ARID4B: variants seen among roughly 807,000 people sequenced by gnomAD.
ARID4B encodes AT-rich interaction domain 4B, also known as AT-rich interactive domain-containing protein 4B.
ARID4B carries 26 observed loss-of-function variants against 147.5 expected under a neutral mutation model. The observed-to-expected ratio is 0.18, with a 90% confidence interval of 0.13 to 0.24. The LOEUF (loss-of-function observed/expected upper bound fraction) is 0.24, where lower values mean the gene tolerates loss of function less well. Ranked by LOEUF, ARID4B falls within the 10% of genes least tolerant of loss-of-function variation. The pLI, the probability that ARID4B is intolerant of heterozygous loss-of-function variation, is 1.00. For missense variants in ARID4B, 1,179 were observed against 1,511.5 expected, an observed-to-expected ratio of 0.78 and a Z score of 3.65; for synonymous variants, 512 against 507.9, an observed-to-expected ratio of 1.01 and a Z score of -0.11.
Position 235,187,044 on chromosome 1 carries a change from A to G in ARID4B, c.2126-4251T>C, listed in dbSNP as rs760641581. 4 of 344,286 alleles carry G rather than the reference A, an allele frequency of 1.2e-5. No homozygotes were observed. The East Asian group carries it at 4.0e-4, about 34-fold the overall frequency. The allele number at this position is 344,286 out of a possible 1,614,324, so 21.3% of individuals were successfully genotyped here. ...TTCTTGTTCTTTTCTTTTTCACTGC[A>G]TCTTATTCTTTTCTTTTTCACTGCA... On this transcript the variant is annotated intron_variant, in intron 19 of 23. Transcript: ENST00000264183.
At position 235,181,670 on chromosome 1, in the gene ARID4B, A is replaced by G. The variant is rs761733049; in HGVS notation, c.3249T>C (p.Ser1083=). ...SVAGELQDLQ[S]EGNSSPAGFD... ...AACCTGCTGGCGAGCTATTCCCTTCAGACTGGAGGTCTTGGAGCTCCCCAG... is the reference window on the plus strand; with the variant it reads ...AACCTGCTGGCGAGCTATTCCCTTCGGACTGGAGGTCTTGGAGCTCCCCAG... Residue 1083 remains serine, a synonymous_variant, in exon 20 of 24, where the codon TCT becomes TCC. Transcript: ENST00000264183. 2.0e-5 allele frequency: 33 copies of G among 1,614,070 alleles called. 1 individual carries two copies. The South Asian group carries it at 3.5e-4, about 17-fold the overall frequency.
At chr1:235,284,582 G>C (rs1671857010) in intron 2 of ARID4B, among the ~76,000 whole-genome samples, 1 of 152,156 alleles carries the variant, frequency 6.6e-6, no homozygotes, top group Non-Finnish European at 1.5e-5. Flanking sequence ...CAGCTACTTG[G>C]AAAGCTAACG....
intron 8 of ARID4B, among the ~76,000 whole-genome samples, chr1:235,235,732 A>G (rs929123883): frequency 7.2e-5 from 11 of 152,148 alleles, no homozygotes; most frequent in Non-Finnish European, 1.6e-4. Context: ...AAAAACTGAA[A>G]AGGAGAACTG....
chr1:235,182,639 T>C lies in ARID4B; in HGVS notation c.2280A>G (p.Leu760=). 1 of 1,613,830 alleles carries C rather than the reference T, an allele frequency of 6.2e-7. No homozygotes were observed. The highest frequency in any genetic ancestry group is 8.5e-7 in the Non-Finnish European group (1 of 1,180,002). ...SKEEQNSSSL[L]EENKVHADLV... ...AATCTGCATGAACTTTGTTTTCTTC[T>C]AGCAAAGATGAACTGTTCTGTTCCT... Residue 760 remains leucine (L), a synonymous_variant, in exon 20 of 24, where the codon CTA becomes CTG. Transcript: ENST00000264183.
chr1:235,190,089 T>C (rs535678819), intron 19 of ARID4B: 1 of 154,484 alleles, frequency 6.5e-6, no homozygotes, highest in African/African-American at 2.4e-5. Context: ...GATATATCTG[T>C]TCTCTTCCTT....
At chr1:235,196,186 A>C (rs1665478872) in intron 17 of ARID4B, 71 bp from the exon 18 acceptor site, 1 of 713,720 alleles carries the variant, frequency 1.4e-6, no homozygotes, top group Non-Finnish European at 2.2e-6. Context: ...CATATTAAAG[A>C]GAAACTCATA....
At chr1:235,300,187 G>A (rs1001079891) in intron 2 of ARID4B, among the ~76,000 whole-genome samples, 6 of 151,906 alleles carry the variant, frequency 3.9e-5, no homozygotes, top group Non-Finnish European at 7.4e-5. Flanking sequence ...AGGCTGAGGC[G>A]GGCAAACCGC....
At chr1:235,285,367 C>T (rs1445909752) in intron 2 of ARID4B, among the ~76,000 whole-genome samples, 14 of 152,144 alleles carry the variant, frequency 9.2e-5, no homozygotes, top group Admixed American at 9.2e-4. Context: ...AAACAGATTA[C>T]CTCAATATAT....
intron 3 of ARID4B, among the ~76,000 whole-genome samples, chr1:235,259,619 A>G (rs999965254): frequency 6.6e-6 from 1 of 152,168 alleles, no homozygotes; most frequent in African/African-American, 2.4e-5. Flanking sequence ...AGCACCAACC[A>G]CCAAGCATGT....
At position 235,255,220 on chromosome 1, in the gene ARID4B, T is replaced by TATATATATATATATAGAGAGAG. The variant is rs1264196304; in HGVS notation, c.274+439_274+440insCTCTCTCTATATATATATATAT. 6.7e-3 allele frequency among the ~76,000 whole-genome samples: 417 copies of TATATATATATATATAGAGAGAG among 62,376 alleles called. 8 individuals carry two copies. Among genetic ancestry groups the TATATATATATATATAGAGAGAG allele is most frequent in the African/African-American group, 0.016 (347 of 21,890 alleles). The allele number at this position is 62,376 out of a possible 152,430, so 40.9% of individuals were successfully genotyped here. On this transcript the variant is annotated intron_variant, in intron 5 of 23. Coordinates refer to ENST00000264183, the MANE Select transcript of ARID4B (RefSeq NM_016374.6). ...TACTACTTTGTTTCCTGCTGGGAGC[T>TATATATATATATATAGAGAGAG]AGATAGATAGATAGATAGATAGATA...
At chr1:235,319,650 T>A (rs1268465747) in intron 2 of ARID4B, among the ~76,000 whole-genome samples, 2 of 152,154 alleles carry the variant, frequency 1.3e-5, no homozygotes, top group African/African-American at 2.4e-5. Context: ...AATGCCTTCA[T>A]GGTCATACTC....
At chr1:235,201,705 G>A (rs956052012) in intron 17 of ARID4B, among the ~76,000 whole-genome samples, 1 of 151,792 alleles carries the variant, frequency 6.6e-6, no homozygotes, top group African/African-American at 2.4e-5. Flanking sequence ...CTAACATGGC[G>A]AAACCCCATC....
chr1:235,325,384 A>C (rs1413519870), intron 2 of ARID4B, among the ~76,000 whole-genome samples: 1 of 151,958 alleles, frequency 6.6e-6, no homozygotes, highest in Admixed American at 6.6e-5. Context: ...AAAGGAAACG[A>C]AAGGAAGAAA....
rs780839339 is a variant in ARID4B, at chr1:235,301,038, C to CTTTTTT, written c.6+25870_6+25875dup. 2.7e-3 allele frequency among the ~76,000 whole-genome samples: 308 copies of CTTTTTT among 112,232 alleles called. 12 individuals are homozygous for CTTTTTT. The highest frequency in any genetic ancestry group is 0.01 in the African/African-American group (287 of 27,344). The allele number at this position is 112,232 out of a possible 152,430, so 73.6% of individuals were successfully genotyped here. A position where few individuals can be genotyped will look rare whatever the true frequency, so the allele number is the denominator to read the frequency against. On this transcript the variant is annotated intron_variant, in intron 2 of 23. Coordinates refer to ENST00000264183, the MANE Select transcript of ARID4B (RefSeq NM_016374.6). ...CCAACAATACATTTTTTTAAGTATT[C>CTTTTTT]TTTTTTTTTTTTTTTTTTTTTTTTT... is the stretch of plus-strand genomic sequence containing the variant.
chr1:235,304,920 T>G (rs1673438271), intron 2 of ARID4B, among the ~76,000 whole-genome samples: 1 of 152,308 alleles, frequency 6.6e-6, no homozygotes, highest in South Asian at 2.1e-4. Flanking sequence ...CTAAATCATT[T>G]TGCCACACTA....
intron 2 of ARID4B, among the ~76,000 whole-genome samples, chr1:235,270,616 C>T (rs1215055885): frequency 6.6e-6 from 1 of 152,176 alleles, no homozygotes. Context: ...TTTTCTGCCT[C>T]GGCAAACAGG....
rs777132062 is a variant in ARID4B at position 235,182,067 on chromosome 1, G to A, written c.2852C>T (p.Ala951Val). The A allele has an allele frequency of 1.9e-6, 3 of 1,614,142 alleles. No homozygotes were observed. The Admixed American group carries it at 5.0e-5, about 27-fold the overall frequency. ...GGCAGGATGCGGTGGGGAAGCTGCAGCCTCAGTATCAGAGTCTGAAAAAAG... is the reference window on the plus strand; with the variant it reads ...GGCAGGATGCGGTGGGGAAGCTGCAACCTCAGTATCAGAGTCTGAAAAAAG... ...KELFSDSDTE[A>V]AASPPHPAPE... Residue 951 changes from alanine (A) to valine (V), a missense_variant, in exon 20 of 24, where the codon GCT becomes GTT. This residue lies in a region of ARID4B where 357 missense variants were observed against 427.3 expected (regional missense o/e 0.84). Coordinates refer to ENST00000264183, the MANE Select transcript of ARID4B (RefSeq NM_016374.6).
chr1:235,292,935 AG>A (rs770433678), intron 2 of ARID4B, among the ~76,000 whole-genome samples: 17 of 152,208 alleles, frequency 1.1e-4, no homozygotes, highest in Non-Finnish European at 2.1e-4. Flanking sequence ...GAAAGCTCCG[AG>A]GGAAGGTTGT....
At chr1:235,190,824 A>G (rs755838593) in intron 19 of ARID4B, among the ~76,000 whole-genome samples, 12 of 152,324 alleles carry the variant, frequency 7.9e-5, no homozygotes, top group Middle Eastern at 3.4e-3. Context: ...ACATTAAAGG[A>G]GATCCCTAGA....
Sources: allele counts gnomAD v4.1 joint callset (sites outside exome capture counted in the v4.1 genomes callset), GRCh38; gene constraint gnomAD v4.1.1; regional missense constraint gnomAD v4.1.1; transcripts MANE v1.5; gene names NCBI Gene and HGNC (gene_info 2026-07-23, HGNC 2026-07-21).